The following VAMP7 variants were observed in gnomAD, a reference collection of about 807,000 sequenced individuals.
VAMP7 encodes vesicle associated membrane protein 7, also known as vesicle-associated membrane protein 7.
A neutral mutation model predicts 29.6 loss-of-function variants in VAMP7; 14 were observed. That is an observed-to-expected ratio of 0.47 (90% CI 0.31 to 0.74). The LOEUF is 0.74. Ranked by LOEUF, VAMP7 falls within the 30% of genes least tolerant of loss-of-function variation. The probability of loss-of-function intolerance (pLI) is 0.05; values close to 1 mark genes in which losing one functional copy is unlikely to be tolerated. For synonymous variants in VAMP7, 95 were observed against 88.1 expected, an observed-to-expected ratio of 1.08 and a Z score of -0.44; for missense variants, 223 against 262.4, an observed-to-expected ratio of 0.85 and a Z score of 1.04.
intron 4 of VAMP7, among the ~76,000 whole-genome samples, chrX:155,899,482 G>A (rs1456214438): frequency 3.3e-5 from 5 of 151,752 alleles, no homozygotes; most frequent in African/African-American, 1.2e-4. Context: ...GTATTGTAAT[G>A]GAATACTTTC....
chrX:155,883,630 T>G (rs2065830268), intron 1 of VAMP7, among the ~76,000 whole-genome samples: 1 of 152,146 alleles, frequency 6.6e-6, no homozygotes, highest in Admixed American at 6.6e-5. Context: ...TTCTACTACT[T>G]TATTTGAACA....
At chrX:155,922,976 T>C (rs2066416771) in intron 6 of VAMP7, among the ~76,000 whole-genome samples, 1 of 152,016 alleles carries the variant, frequency 6.6e-6, no homozygotes, top group Admixed American at 6.6e-5. Context: ...AGCTCCATTC[T>C]GTCATTTTCT....
rs372926877 is a variant in VAMP7, at chrX:155,939,787, A to G, written c.588A>G (p.Val196=). 159 of 1,612,606 alleles carry G rather than the reference A, an allele frequency of 9.9e-5. No homozygotes were observed. Among genetic ancestry groups the G allele is most frequent in the South Asian group, 5.6e-4 (51 of 91,018 alleles). The stretch of plus-strand genomic sequence containing the variant: ...AGCTCACTATTATCATCATCATCGT[A>G]TCAATTGTAAGTTTTTGTCCTTTTA... ...NLKLTIIIII[V]SIVFIYIIVS... Residue 196 remains valine, a synonymous_variant, in exon 7 of 8, where the codon GTA becomes GTG. Transcript: ENST00000286448.
chrX:155,908,025 A>G (rs891126553), intron 5 of VAMP7, among the ~76,000 whole-genome samples: 12 of 149,932 alleles, frequency 8.0e-5, no homozygotes, highest in African/African-American at 2.7e-4. Context: ...GACGCTCCTC[A>G]CTTCCTAGAT....
At chrX:155,896,775 AG>A (rs2065993243) in intron 3 of VAMP7, among the ~76,000 whole-genome samples, 1 of 152,086 alleles carries the variant, frequency 6.6e-6, no homozygotes, top group Admixed American at 6.6e-5. Context: ...ACTGGCAAAG[AG>A]ACTTGGAATT....
chrX:155,894,758 G>A (rs2065966203), intron 2 of VAMP7, among the ~76,000 whole-genome samples: 1 of 151,992 alleles, frequency 6.6e-6, no homozygotes, highest in South Asian at 2.1e-4. Flanking sequence ...TGGGACTATA[G>A]GCGTGTGCCA....
chrX:155,903,919 G>T (rs927921364), intron 5 of VAMP7, among the ~76,000 whole-genome samples: 3 of 151,908 alleles, frequency 2.0e-5, no homozygotes, highest in African/African-American at 7.3e-5. Flanking sequence ...TGTTTATAGC[G>T]GCAGTATTCA....
chrX:155,900,674 A>G, intron 5 of VAMP7, 87 bp downstream of exon 5: 1 of 1,125,182 alleles, frequency 8.9e-7, no homozygotes, highest in Non-Finnish European at 1.3e-6. Flanking sequence ...AGAAGCCAAA[A>G]TAGCACTTCC....
chrX:155,939,787 A>T lies in VAMP7; in HGVS notation c.588A>T (p.Val196=). 1.2e-6 allele frequency: 2 copies of T among 1,612,610 alleles called. No individual in the cohort carries two copies. The highest frequency in any genetic ancestry group is 1.7e-4 in the Middle Eastern group (1 of 6,054). ...NLKLTIIIII[V]SIVFIYIIVS... ...AGCTCACTATTATCATCATCATCGT[A>T]TCAATTGTAAGTTTTTGTCCTTTTA... The change falls in exon 7 of 8, where the codon GTA becomes GTT. Residue 196 remains valine, a synonymous_variant. Transcript: ENST00000286448.
Position 155,900,492 on chromosome X carries a change from T to C in VAMP7, c.343-5T>C. 3 of 1,601,004 alleles carry C rather than the reference T, an allele frequency of 1.9e-6. No homozygotes were observed. Among genetic ancestry groups the C allele is most frequent in the Non-Finnish European group, 2.6e-6 (3 of 1,173,198 alleles). On this transcript the variant is annotated splice_polypyrimidine_tract_variant and splice_region_variant and intron_variant, in intron 4 of 7. Transcript: ENST00000286448. Reference sequence around the variant, plus strand: ...TACCATAAGTTAAAACTTATTTTCTTATAGAAGCATCACTCTGAGAATAAG... The same window carrying C: ...TACCATAAGTTAAAACTTATTTTCTCATAGAAGCATCACTCTGAGAATAAG...
intron 4 of VAMP7, among the ~76,000 whole-genome samples, chrX:155,898,631 C>A (rs1282216356): frequency 1.3e-5 from 2 of 152,022 alleles, no homozygotes; most frequent in Admixed American, 1.3e-4. Context: ...TAATTTGAAA[C>A]TCTCCTCATC....
intron 7 of VAMP7, 73 bp from the exon 8 acceptor site, chrX:155,941,810 A>C: frequency 1.0e-5 from 15 of 1,477,888 alleles, no homozygotes; most frequent in Non-Finnish European, 1.1e-5. Context: ...ATAAGGCTCT[A>C]CTTTCCTATA....
chrX:155,896,317 T>C (rs2065986724), intron 3 of VAMP7, among the ~76,000 whole-genome samples: 1 of 152,182 alleles, frequency 6.6e-6, no homozygotes, highest in South Asian at 2.1e-4. Context: ...TATCAAAACC[T>C]CTCAAAAATT....
At chrX:155,907,480 C>T (rs373662322) in intron 5 of VAMP7, among the ~76,000 whole-genome samples, 12,679 of 149,506 alleles carry the variant, frequency 0.085, 1,080 homozygotes, top group East Asian at 0.42. Flanking sequence ...TGACTCTTAA[C>T]GAGCATGCTG....
chrX:155,911,149 CATATGG>C (rs1331815135), intron 5 of VAMP7, among the ~76,000 whole-genome samples: 1 of 152,174 alleles, frequency 6.6e-6, no homozygotes, highest in Admixed American at 6.5e-5. Context: ...AATTCTTCCA[CATATGG>C]ATATCCAGTT....
intron 5 of VAMP7, among the ~76,000 whole-genome samples, chrX:155,918,877 C>T (rs1452195407): frequency 1.3e-5 from 2 of 152,076 alleles, no homozygotes; most frequent in African/African-American, 4.8e-5. Flanking sequence ...TGGAATGTTT[C>T]ATGTTTATTG....
rs781582978 is a variant in VAMP7 at position 155,943,115 on chromosome X, G to C, written c.*1164G>C. The C allele has an allele frequency of 8.8e-5, 13 of 148,156 alleles. No homozygotes were observed. The highest frequency in any genetic ancestry group is 2.8e-4 in the African/African-American group (11 of 39,860). 9.2% of individuals were successfully genotyped at this position (148,156 alleles called of 1,614,324 possible). On this transcript the variant is annotated 3_prime_UTR_variant, in exon 8 of 8. Transcript: ENST00000286448. ...AAGAAAATTGGACTGTAATCATATCGCTACTGGCATCTGTTATCTAGTATG... is the reference window on the plus strand; with the variant it reads ...AAGAAAATTGGACTGTAATCATATCCCTACTGGCATCTGTTATCTAGTATG...
chrX:155,895,282 C>T (rs1379531194), intron 2 of VAMP7, among the ~76,000 whole-genome samples: 1 of 152,134 alleles, frequency 6.6e-6, no homozygotes, highest in African/African-American at 2.4e-5. Context: ...ACCATATGGC[C>T]TATTGGGGGT....
chrX:155,884,418 C>T (rs759633004), intron 1 of VAMP7, among the ~76,000 whole-genome samples: 25 of 152,308 alleles, frequency 1.6e-4, no homozygotes, highest in East Asian at 5.8e-4. Flanking sequence ...TGAACCACTG[C>T]GCCCAGCCAA....
Sources: gnomAD v4.1 joint callset for allele counts (sites outside exome capture counted in the v4.1 genomes callset) on GRCh38, gnomAD v4.1.1 for gene constraint, MANE v1.5 for transcripts, NCBI Gene and HGNC (gene_info 2026-07-23, HGNC 2026-07-21) for gene names.